Variants in HACD2 observed in about 807,000 individuals in gnomAD.
HACD2 encodes the protein 3-hydroxyacyl-CoA dehydratase 2, also known as very-long-chain (3R)-3-hydroxyacyl-CoA dehydratase 2.
A neutral mutation model predicts 31.0 loss-of-function variants in HACD2; 15 were observed. The ratio of observed to expected loss-of-function variants is 0.48; its 90% CI spans 0.32 to 0.75. The LOEUF is 0.75. Among genes scored for constraint, HACD2 ranks in the 30% least tolerant of loss-of-function variants. The pLI is 0.03. For missense variants in HACD2, 283 were observed against 313.0 expected (o/e 0.90, Z 0.72); for synonymous variants, 115 against 122.2 (o/e 0.94, Z 0.39).
chr3:123,545,498 T>TAAATAAAC lies in HACD2; in HGVS notation c.293-17025_293-17024insGTTTATTT, dbSNP rs2056548685. Among the ~76,000 whole-genome samples the TAAATAAAC allele has an allele frequency of 5.0e-5, 5 of 99,618 alleles. No homozygotes were observed. In the South Asian group the frequency reaches 1.5e-3, roughly 30 times the overall value. 65.4% of individuals were successfully genotyped at this position (99,618 alleles called of 152,430 possible). A position where few individuals can be genotyped will look rare whatever the true frequency, so the allele number is the denominator to read the frequency against. ...CTTAGTCTCAGTAAAAATAAATAAA[T>TAAATAAAC]AAATAAATAAATAAATAAATAAATA... On this transcript the variant is annotated intron_variant, in intron 3 of 6. Transcript: ENST00000383657.
chr3:123,508,228 T>C (rs2107686658), intron 4 of HACD2, among the ~76,000 whole-genome samples: 1 of 152,300 alleles, frequency 6.6e-6, no homozygotes, highest in African/African-American at 2.4e-5. Context: ...GCGGGTACCA[T>C]GAAGCCCTTC....
At position 123,500,658 on chromosome 3, in the gene HACD2, A is replaced by G. The variant is rs767305204; in HGVS notation, c.539T>C (p.Val180Ala). 7 of 1,612,668 alleles carry G rather than the reference A, an allele frequency of 4.3e-6. No individual in the cohort carries two copies. The highest frequency in any genetic ancestry group is 5.9e-6 in the Non-Finnish European group (7 of 1,179,574). ...ATATATTGTGAGCAGTTCTCCTGAC[A>G]CTCCCATTGGGTACAGCACAATGAA... ...TLFIVLYPMG[V>A]SGELLTIYAA... The change falls in exon 6 of 7, where the codon GTG (valine) becomes GCG (alanine). Residue 180 changes from valine to alanine, a missense_variant. Coordinates refer to ENST00000383657, the MANE Select transcript of HACD2 (RefSeq NM_198402.5).
intron 2 of HACD2, among the ~76,000 whole-genome samples, chr3:123,577,456 C>T (rs1052820756): frequency 6.6e-6 from 1 of 151,908 alleles, no homozygotes; most frequent in Non-Finnish European, 1.5e-5. Flanking sequence ...CCCGTCTCTA[C>T]TAAAAATACA....
intron 4 of HACD2, among the ~76,000 whole-genome samples, chr3:123,506,928 C>G (rs2055983487): frequency 6.6e-6 from 1 of 152,126 alleles, no homozygotes; most frequent in South Asian, 2.1e-4. Context: ...GAATTTATAA[C>G]TAGAAACATA....
chr3:123,507,750 A>T (rs922447934), intron 4 of HACD2, among the ~76,000 whole-genome samples: 1 of 152,174 alleles, frequency 6.6e-6, no homozygotes, highest in East Asian at 1.9e-4. Context: ...AAAAAAATTT[A>T]AAAAAGGGCA....
intron 6 of HACD2, among the ~76,000 whole-genome samples, chr3:123,495,513 G>T (rs2055821780): frequency 6.6e-6 from 1 of 151,838 alleles, no homozygotes; most frequent in Non-Finnish European, 1.5e-5. Flanking sequence ...CCTCTCTTGG[G>T]AAGTAGTTTC....
chr3:123,510,629 T>C (rs967052997), intron 4 of HACD2, among the ~76,000 whole-genome samples: 1 of 152,224 alleles, frequency 6.6e-6, no homozygotes, highest in African/African-American at 2.4e-5. Context: ...GTCTGAAAAA[T>C]ATGTCATTGT....
At chr3:123,523,161 A>C (rs73188545) in intron 4 of HACD2, among the ~76,000 whole-genome samples, 1 of 152,152 alleles carries the variant, frequency 6.6e-6, no homozygotes, top group African/African-American at 2.4e-5. Context: ...AGGACCCAGC[A>C]GGGAGGAAAA....
intron 3 of HACD2, among the ~76,000 whole-genome samples, chr3:123,564,594 T>C (rs1349662514): frequency 6.6e-6 from 1 of 152,108 alleles, no homozygotes. Context: ...GGGTGATTTT[T>C]TGTAGAACAA....
At chr3:123,539,514 G>A (rs923161349) in intron 3 of HACD2, among the ~76,000 whole-genome samples, 1 of 145,548 alleles carries the variant, frequency 6.9e-6, no homozygotes, top group Admixed American at 6.8e-5. Context: ...AGGCTGCAGT[G>A]AGCCGAGATC....
At chr3:123,539,911 T>TTAAA (rs770367599) in intron 3 of HACD2, among the ~76,000 whole-genome samples, 1 of 24,478 alleles carries the variant, frequency 4.1e-5, no homozygotes, top group Non-Finnish European at 6.2e-5. Context: ...TCGTCTCTAC[T>TTAAA]AAAAAAAAAA....
At chr3:123,517,795 G>T (rs1014540390) in intron 4 of HACD2, among the ~76,000 whole-genome samples, 6 of 152,102 alleles carry the variant, frequency 3.9e-5, no homozygotes, top group Non-Finnish European at 8.8e-5. Flanking sequence ...ATTTCAAAAG[G>T]TGGGGAAAAA....
At chr3:123,553,606 G>A (rs1406224033) in intron 3 of HACD2, among the ~76,000 whole-genome samples, 1 of 152,170 alleles carries the variant, frequency 6.6e-6, no homozygotes, top group South Asian at 2.1e-4. Context: ...GGAAGGATAA[G>A]GCAGCATTGA....
At chr3:123,535,420 C>T (rs561926097) in intron 3 of HACD2, among the ~76,000 whole-genome samples, 3 of 152,182 alleles carry the variant, frequency 2.0e-5, no homozygotes, top group Non-Finnish European at 4.4e-5. Flanking sequence ...AAAGTAATAA[C>T]ATTAAATCAC....
At chr3:123,513,673 C>A (rs2107691821) in intron 4 of HACD2, among the ~76,000 whole-genome samples, 1 of 152,326 alleles carries the variant, frequency 6.6e-6, no homozygotes, top group South Asian at 2.1e-4. Context: ...AGGACCATCA[C>A]AGCAACCGCA....
At chr3:123,563,398 G>A (rs2056755272) in intron 3 of HACD2, among the ~76,000 whole-genome samples, 1 of 152,170 alleles carries the variant, frequency 6.6e-6, no homozygotes, top group Non-Finnish European at 1.5e-5. Context: ...CAGGGAGTAG[G>A]CACTGGAAAG....
intron 3 of HACD2, among the ~76,000 whole-genome samples, chr3:123,556,087 C>G (rs747671238): frequency 6.6e-6 from 1 of 152,142 alleles, no homozygotes; most frequent in African/African-American, 2.4e-5. Context: ...GGGAGGATCA[C>G]CTGAGGCCAG....
At chr3:123,577,478 G>C (rs563986041) in intron 2 of HACD2, among the ~76,000 whole-genome samples, 1 of 151,858 alleles carries the variant, frequency 6.6e-6, no homozygotes, top group South Asian at 2.1e-4. Flanking sequence ...AAAATTAGCC[G>C]GGTGTGGTGG....
rs1400503235 is a variant in HACD2 at position 123,494,619 on chromosome 3, A to C, written c.*269T>G. The C allele has an allele frequency of 4.3e-6, 2 of 467,972 alleles. No homozygotes were observed. The highest frequency in any genetic ancestry group is 4.0e-5 in the African/African-American group (2 of 49,878). The allele number at this position is 467,972 out of a possible 1,614,324, so 29.0% of individuals were successfully genotyped here. A position where few individuals can be genotyped will look rare whatever the true frequency, so the allele number is the denominator to read the frequency against. Reference sequence around the variant, plus strand: ...GGACACAGAAGGACATAAAATGCCAAATCCCTTTCTAGTGCCATCATAAAT... The same window carrying C: ...GGACACAGAAGGACATAAAATGCCACATCCCTTTCTAGTGCCATCATAAAT... On this transcript the variant is annotated 3_prime_UTR_variant, in exon 7 of 7. Transcript: ENST00000383657.
Sources: allele counts gnomAD v4.1 joint callset (sites outside exome capture counted in the v4.1 genomes callset), GRCh38; gene constraint gnomAD v4.1.1; transcripts MANE v1.5; gene names NCBI Gene and HGNC (gene_info 2026-07-23, HGNC 2026-07-21).